CUX1: variants seen among roughly 807,000 people sequenced by gnomAD.
CUX1 encodes the protein protein CASP.
CUX1 carries 31 observed loss-of-function variants against 158.8 expected under a neutral mutation model. The observed-to-expected ratio is 0.20, with a 90% CI of 0.15 to 0.26. The LOEUF (loss-of-function observed/expected upper bound fraction) is 0.26, where lower values mean the gene tolerates loss of function less well. CUX1 is among the 10% of genes least tolerant of loss of function. The probability of loss-of-function intolerance (pLI) is 1.00; values close to 1 mark genes in which losing one functional copy is unlikely to be tolerated. For missense variants in CUX1, 1,589 were observed against 2,014.6 expected, an observed-to-expected ratio of 0.79 and a Z score of 4.04; for synonymous variants, 879 against 862.1, an observed-to-expected ratio of 1.02 and a Z score of -0.34.
At chr7:101,996,122 AAGAGAG>A (rs915571965) in intron 2 of CUX1, among the ~76,000 whole-genome samples, 4 of 151,840 alleles carry the variant, frequency 2.6e-5, no homozygotes, top group Admixed American at 1.3e-4. Flanking sequence ...AAAAAAAAAA[AAGAGAG>A]AGAGATGCAG....
intron 6 of CUX1, 35 bp downstream of exon 6, chr7:102,104,494 T>C (rs1554487785): frequency 1.9e-6 from 3 of 1,605,252 alleles, no homozygotes; most frequent in Non-Finnish European, 2.6e-6. Context: ...CAGACTGACA[T>C]AGCATTTGCC....
chr7:101,958,178 C>T (rs796202070), intron 2 of CUX1, among the ~76,000 whole-genome samples: 2 of 152,240 alleles, frequency 1.3e-5, no homozygotes, highest in African/African-American at 4.8e-5. Flanking sequence ...AAATAGCCCC[C>T]CTCCTTCTAG....
intron 2 of CUX1, among the ~76,000 whole-genome samples, chr7:101,994,831 G>A (rs929829803): frequency 1.3e-5 from 2 of 151,102 alleles, no homozygotes; most frequent in Non-Finnish European, 3.0e-5. Flanking sequence ...GGCTTATGTC[G>A]GTAATCCCAG....
chr7:102,103,369 G>GCTTC (rs1393945012), intron 5 of CUX1, among the ~76,000 whole-genome samples: 3 of 152,080 alleles, frequency 2.0e-5, no homozygotes, highest in Non-Finnish European at 2.9e-5. Context: ...CTGCTTGCTT[G>GCTTC]CTTCCTTCCT....
intron 1 of CUX1, among the ~76,000 whole-genome samples, chr7:101,827,328 C>T (rs1387534735): frequency 1.3e-5 from 2 of 150,036 alleles, no homozygotes; most frequent in African/African-American, 4.9e-5. Flanking sequence ...CCTTTTCAGA[C>T]GGGGTCTCAT....
chr7:101,868,893 T>C (rs1798196046), intron 1 of CUX1, among the ~76,000 whole-genome samples: 1 of 152,054 alleles, frequency 6.6e-6, no homozygotes, highest in Non-Finnish European at 1.5e-5. Flanking sequence ...GCACTGATGC[T>C]TTTGAGGACT....
chr7:102,030,843 A>G (rs1450175997), intron 3 of CUX1, among the ~76,000 whole-genome samples: 1 of 151,604 alleles, frequency 6.6e-6, no homozygotes, highest in Non-Finnish European at 1.5e-5. Flanking sequence ...GGGACTATAC[A>G]TGTGCACCAC....
At chr7:102,027,223 A>G (rs1344829804) in intron 2 of CUX1, among the ~76,000 whole-genome samples, 2 of 152,136 alleles carry the variant, frequency 1.3e-5, no homozygotes, top group Non-Finnish European at 2.9e-5. Context: ...CATCTCTACT[A>G]CAAATACAAA....
chr7:102,282,481 C>T (rs1792151586), intron 21 of CUX1, among the ~76,000 whole-genome samples: 1 of 152,186 alleles, frequency 6.6e-6, no homozygotes, highest in Non-Finnish European at 1.5e-5. Flanking sequence ...GGTCCAGCGG[C>T]TCCTGGCCCT....
At chr7:102,263,837 C>T (rs1423998899) in intron 14 of CUX1, among the ~76,000 whole-genome samples, 2 of 151,446 alleles carry the variant, frequency 1.3e-5, no homozygotes. Flanking sequence ...GAATTACAGG[C>T]GTGCATCACC....
At chr7:102,013,250 C>A (rs960033178) in intron 2 of CUX1, among the ~76,000 whole-genome samples, 1 of 151,888 alleles carries the variant, frequency 6.6e-6, no homozygotes, top group Non-Finnish European at 1.5e-5. Context: ...GTACAAAAAT[C>A]GCCGAAGCTA....
At chr7:102,154,811 A>G (rs1029403412) in intron 8 of CUX1, among the ~76,000 whole-genome samples, 3 of 152,214 alleles carry the variant, frequency 2.0e-5, no homozygotes, top group African/African-American at 7.2e-5. Flanking sequence ...GAAAATAGCC[A>G]GAATTAAAGA....
At chr7:101,915,651 G>A (rs938384123) in intron 1 of CUX1, among the ~76,000 whole-genome samples, 1 of 152,116 alleles carries the variant, frequency 6.6e-6, no homozygotes, top group South Asian at 2.1e-4. Flanking sequence ...ATTGAAGGAC[G>A]GCCACACGGA....
chr7:102,166,108 A>G (rs1484293950), intron 9 of CUX1, among the ~76,000 whole-genome samples: 1 of 152,122 alleles, frequency 6.6e-6, no homozygotes, highest in Non-Finnish European at 1.5e-5. Context: ...CCTTCGTGAC[A>G]ATGTCCTGGA....
chr7:102,196,940 G>A lies in CUX1; in HGVS notation c.1529G>A (p.Gly510Asp), dbSNP rs782505039. The change falls in exon 15 of 24, where the codon GGT becomes GAT. Residue 510 changes from glycine to aspartate, a missense_variant. This residue lies in a region of CUX1 where 515 missense variants were observed against 574.4 expected (regional missense o/e 0.90). Coordinates refer to ENST00000292535, the MANE Select transcript of CUX1 (RefSeq NM_181552.4). The part of the protein sequence containing the change: ...AGSTSMIFST[G>D]PYSTNSISSQ... ...AGCACAAGCATGATTTTTTCAACAG[G>A]TCCATACAGCACAAACTCCATATCT... 1 of 1,614,098 alleles carries A rather than the reference G, an allele frequency of 6.2e-7. No individual in the cohort carries two copies. The highest frequency in any genetic ancestry group is 8.5e-7 in the Non-Finnish European group (1 of 1,180,014).
At chr7:102,224,319 G>A (rs1798138946) in intron 20 of CUX1, among the ~76,000 whole-genome samples, 1 of 152,090 alleles carries the variant, frequency 6.6e-6, no homozygotes, top group African/African-American at 2.4e-5. Flanking sequence ...CCATTCTCCT[G>A]CCTCTGCCTC....
rs533979380 is a variant in CUX1 at position 101,973,401 on chromosome 7, G to T, written c.142-54697G>T. Among the ~76,000 whole-genome samples the T allele has an allele frequency of 1.4e-3, 213 of 152,236 alleles. 1 individual carries two copies. Among genetic ancestry groups the T allele is most frequent in the African/African-American group, 4.9e-3 (204 of 41,538 alleles). ...TTCCACCACTGCCCCCCAGCCCTCC[G>T]CAGCAAGCCAGTGCAACGCCAGGAC... On this transcript the variant is annotated intron_variant, in intron 2 of 23. Transcript: ENST00000292535.
intron 2 of CUX1, among the ~76,000 whole-genome samples, chr7:101,935,463 G>T (rs1563030346): frequency 6.6e-6 from 1 of 152,158 alleles, no homozygotes; most frequent in Non-Finnish European, 1.5e-5. Flanking sequence ...AATGGACAAG[G>T]CCTGGCTCCG....
chr7:101,858,256 A>G (rs765792746), intron 1 of CUX1, among the ~76,000 whole-genome samples: 1 of 152,234 alleles, frequency 6.6e-6, no homozygotes, highest in Non-Finnish European at 1.5e-5. Context: ...AACCAAGCAC[A>G]TGGCTAAAAA....
Sources: allele counts gnomAD v4.1 joint callset (sites outside exome capture counted in the v4.1 genomes callset), GRCh38; gene constraint gnomAD v4.1.1; regional missense constraint gnomAD v4.1.1; transcripts MANE v1.5; gene names NCBI Gene and HGNC (gene_info 2026-07-23, HGNC 2026-07-21).